The following LAMB4 variants were observed in gnomAD, a reference collection of about 807,000 sequenced individuals.
The protein encoded by LAMB4 is laminin subunit beta 4.
LAMB4 carries 196 observed loss-of-function variants against 199.2 expected under a neutral mutation model. That is an observed-to-expected ratio of 0.98 (90% confidence interval 0.88 to 1.11). The LOEUF is 1.11. LAMB4 is among the 50% of genes least tolerant of loss of function. The pLI, the probability that LAMB4 is intolerant of heterozygous loss-of-function variation, is 0.00. For synonymous variants in LAMB4, 744 were observed against 770.6 expected, an observed-to-expected ratio of 0.97 and a Z score of 0.57; for missense variants, 2,080 against 2,171.2, an observed-to-expected ratio of 0.96 and a Z score of 0.83.
At chr7:108,095,473 C>T (rs2037561878) in intron 11 of LAMB4, 136 bp from the exon 12 acceptor site, 1 of 649,510 alleles carries the variant, frequency 1.5e-6, no homozygotes, top group Admixed American at 2.6e-5. Flanking sequence ...TATTGTGTGC[C>T]TGGCTGCGTG....
intron 33 of LAMB4, among the ~76,000 whole-genome samples, chr7:108,027,903 C>T (rs1273805614): frequency 6.6e-6 from 1 of 152,190 alleles, no homozygotes; most frequent in African/African-American, 2.4e-5. Context: ...CTGCCTCAGC[C>T]TCCCGAGTAG....
At chr7:108,093,500 C>A (rs1038387459) in intron 12 of LAMB4, among the ~76,000 whole-genome samples, 5 of 152,216 alleles carry the variant, frequency 3.3e-5, no homozygotes, top group African/African-American at 9.7e-5. Context: ...GAATACCACA[C>A]TTTAGCATAG....
At chr7:108,104,738 T>C (rs1469949520) in intron 8 of LAMB4, 119 bp from the exon 9 acceptor site, 31 of 1,113,314 alleles carry the variant, frequency 2.8e-5, no homozygotes, top group Non-Finnish European at 3.8e-5. Flanking sequence ...GTTTCCCATA[T>C]GTTAATTACA....
intron 28 of LAMB4, chr7:108,044,290 G>A (rs1280543789): frequency 6.4e-6 from 1 of 156,106 alleles, no homozygotes; most frequent in Non-Finnish European, 1.4e-5. Flanking sequence ...TTTCTTTTAT[G>A]TAAGTTAAAA....
In LAMB4 at chr7:108,091,650, T is replaced by C; in HGVS notation, c.1677A>G (p.Thr559=). Reference sequence around the variant, plus strand: ...CCAAAGGCGCCAGTCCTTGGAGTGTTGTGGCTTCCTCTGCCTCGTAGAGAT... The same window carrying C: ...CCAAAGGCGCCAGTCCTTGGAGTGTCGTGGCTTCCTCTGCCTCGTAGAGAT... ...NFYLYEAEEA[T]TLQGLAPLGS... is the part of the protein sequence containing the mutation. The change falls in exon 14 of 34, where the codon ACA becomes ACG. Residue 559 remains threonine, a synonymous_variant. Coordinates refer to ENST00000388781, the MANE Select transcript of LAMB4 (RefSeq NM_007356.3). 5 of 1,614,092 alleles carry C rather than the reference T, an allele frequency of 3.1e-6. No individual in the cohort carries two copies. Among genetic ancestry groups the C allele is most frequent in the Non-Finnish European group, 4.2e-6 (5 of 1,180,006 alleles).
intron 14 of LAMB4, 113 bp downstream of exon 14, chr7:108,091,513 G>A (rs2037400311): frequency 8.2e-7 from 1 of 1,214,014 alleles, no homozygotes; most frequent in East Asian, 2.4e-5. Context: ...CTGCATCTTT[G>A]GGCAAAAGCA....
intron 17 of LAMB4, among the ~76,000 whole-genome samples, chr7:108,071,541 T>C (rs2036535947): frequency 6.6e-6 from 1 of 152,194 alleles, no homozygotes; most frequent in Admixed American, 6.5e-5. Flanking sequence ...CACTTTCCTT[T>C]CTGTGCTTAC....
chr7:108,069,873 G>A lies in LAMB4; in HGVS notation c.2137C>T (p.Pro713Ser), dbSNP rs892447038. Reference sequence around the variant, plus strand: ...AAATTCTCCAATGAATTGATTTGGGGAATAAGGCCAAGCTTTTGAAAGAAT... The same window carrying A: ...AAATTCTCCAATGAATTGATTTGGGAAATAAGGCCAAGCTTTTGAAAGAAT... ...HVLVDSLGLI[P>S]QINSLENFCS... Residue 713 changes from proline (P) to serine (S), a missense_variant, in exon 18 of 34, where the codon CCC becomes TCC. By Grantham distance (74) the Pro-to-Ser change is moderately conservative (BLOSUM62 -1). Transcript: ENST00000388781. 1.2e-6 allele frequency: 2 copies of A among 1,611,024 alleles called. No homozygotes were observed. Among genetic ancestry groups the A allele is most frequent in the East Asian group, 4.5e-5 (2 of 44,820 alleles).
intron 33 of LAMB4, among the ~76,000 whole-genome samples, chr7:108,024,613 CCCTGA>C (rs2034768943): frequency 6.6e-6 from 1 of 152,122 alleles, no homozygotes; most frequent in Non-Finnish European, 1.5e-5. Flanking sequence ...ATATTGAAGT[CCCTGA>C]ACAGTAACAG....
At chr7:108,073,597 G>A (rs1384830290) in intron 17 of LAMB4, among the ~76,000 whole-genome samples, 1 of 152,188 alleles carries the variant, frequency 6.6e-6, no homozygotes, top group Non-Finnish European at 1.5e-5. Flanking sequence ...TCTTGGTAAT[G>A]TCCCCTGGTA....
intron 24 of LAMB4, among the ~76,000 whole-genome samples, chr7:108,056,806 C>T (rs1584647925): frequency 1.3e-5 from 2 of 151,828 alleles, no homozygotes; most frequent in East Asian, 1.9e-4. Context: ...CCTATCTCTA[C>T]AAAAAATACA....
intron 1 of LAMB4, among the ~76,000 whole-genome samples, chr7:108,126,554 CTTT>C (rs71137605): frequency 2.5e-4 from 21 of 83,520 alleles, no homozygotes; most frequent in South Asian, 4.8e-4. Context: ...GAATTTCTTT[CTTT>C]TTTTTTTTTT....
At chr7:108,064,617 G>A (rs2036273410) in intron 21 of LAMB4, among the ~76,000 whole-genome samples, 1 of 152,066 alleles carries the variant, frequency 6.6e-6, no homozygotes. Flanking sequence ...CATCCCACTT[G>A]GAAATGTTCA....
intron 3 of LAMB4, among the ~76,000 whole-genome samples, chr7:108,114,996 T>A (rs1350527257): frequency 6.6e-6 from 1 of 152,182 alleles, no homozygotes; most frequent in Non-Finnish European, 1.5e-5. Flanking sequence ...TGGTGTACAA[T>A]CAATTCAAAG....
chr7:108,052,705 CT>C lies in LAMB4; in HGVS notation c.3756-449del, dbSNP rs202133158. ...GAATCAATCTGCATTCAGCAAGGTTCTTTTTAGTGTAACTTCTGTTCAGGGT... is the reference window on the plus strand; with the variant it reads ...GAATCAATCTGCATTCAGCAAGGTTCTTTTAGTGTAACTTCTGTTCAGGGT... On this transcript the variant is annotated intron_variant, in intron 25 of 33. Coordinates refer to ENST00000388781, the MANE Select transcript of LAMB4 (RefSeq NM_007356.3). Among the ~76,000 whole-genome samples, 1,256 of 152,304 alleles carry C rather than the reference CT, an allele frequency of 8.2e-3. 76 individuals carry two copies. Among genetic ancestry groups the C allele is most frequent in the Admixed American group, 0.077 (1,172 of 15,290 alleles).
intron 29 of LAMB4, among the ~76,000 whole-genome samples, chr7:108,041,904 G>T (rs532140389): frequency 1.3e-5 from 2 of 152,076 alleles, no homozygotes; most frequent in Non-Finnish European, 1.5e-5. Context: ...AAAAAAGTTC[G>T]AATGAAAAGT....
intron 1 of LAMB4, among the ~76,000 whole-genome samples, chr7:108,125,247 C>T (rs543350451): frequency 2.0e-5 from 3 of 152,290 alleles, no homozygotes; most frequent in East Asian, 3.9e-4. Context: ...CTAGGTGGTA[C>T]TTTCTTACTG....
intron 3 of LAMB4, among the ~76,000 whole-genome samples, 156 bp downstream of exon 3, chr7:108,115,848 A>G (rs2038385377): frequency 6.6e-6 from 1 of 152,146 alleles, no homozygotes; most frequent in Non-Finnish European, 1.5e-5. Flanking sequence ...CCCGGCACCA[A>G]CGCCCCGTGG....
chr7:108,084,962 C>G (rs1023593770), intron 14 of LAMB4, among the ~76,000 whole-genome samples: 1 of 151,834 alleles, frequency 6.6e-6, no homozygotes, highest in African/African-American at 2.4e-5. Context: ...TAGTCTCAAA[C>G]TCCTGGGCTC....
Sources: gnomAD v4.1 joint callset for allele counts (sites outside exome capture counted in the v4.1 genomes callset) on GRCh38, gnomAD v4.1.1 for gene constraint, MANE v1.5 for transcripts, NCBI Gene and HGNC (gene_info 2026-07-23, HGNC 2026-07-21) for gene names.